The following SOX5 variants were observed in gnomAD, a reference collection of about 807,000 sequenced individuals.
SOX5 encodes the protein SRY-box transcription factor 5, also known as transcription factor SOX-5.
Under a neutral mutation model 92.0 loss-of-function variants are expected in SOX5, and 9 were observed. That is an observed-to-expected ratio of 0.10 (90% CI 0.06 to 0.17). The LOEUF (loss-of-function observed/expected upper bound fraction) is 0.17. Ranked by LOEUF, SOX5 falls within the 10% of genes least tolerant of loss-of-function variation. The pLI, the probability that SOX5 is intolerant of heterozygous loss-of-function variation, is 1.00. For missense variants in SOX5, 642 were observed against 944.5 expected (o/e 0.68, Z 4.20); for synonymous variants, 344 against 336.3 (o/e 1.02, Z -0.25).
intron 3 of SOX5, among the ~76,000 whole-genome samples, chr12:23,770,316 C>T (rs1030744940): frequency 6.6e-6 from 1 of 151,684 alleles, no homozygotes; most frequent in Non-Finnish European, 1.5e-5. Flanking sequence ...GACTACTACT[C>T]AATTAACAAA....
intron 3 of SOX5, among the ~76,000 whole-genome samples, chr12:23,804,943 AT>A (rs2095739337): frequency 2.6e-5 from 1 of 39,076 alleles, no homozygotes. Context: ...ATATATATAT[AT>A]ATATATATAT....
intron 1 of SOX5, among the ~76,000 whole-genome samples, chr12:24,507,249 A>T (rs1006910552): frequency 6.6e-6 from 1 of 152,086 alleles, no homozygotes; most frequent in African/African-American, 2.4e-5. Context: ...TCACCACTTG[A>T]ACCCACTGAT....
At chr12:24,111,026 T>C (rs1743709740) in intron 4 of SOX5, among the ~76,000 whole-genome samples, 1 of 151,274 alleles carries the variant, frequency 6.6e-6, no homozygotes, top group African/African-American at 2.4e-5. Context: ...GGGTCCAACA[T>C]GTCTTTACTG....
At chr12:24,406,692 T>G (rs1183094416) in intron 1 of SOX5, among the ~76,000 whole-genome samples, 3 of 152,228 alleles carry the variant, frequency 2.0e-5, no homozygotes, top group African/African-American at 7.2e-5. Flanking sequence ...CATTTCTGAA[T>G]GTAGATTATT....
intron 9 of SOX5, chr12:23,582,176 T>C (rs776466538): frequency 1.3e-5 from 13 of 985,214 alleles, no homozygotes; most frequent in Non-Finnish European, 1.4e-5. Context: ...CTAGCTTGTG[T>C]GCAGCACTCA....
chr12:24,326,980 C>T (rs956827286), intron 2 of SOX5, among the ~76,000 whole-genome samples: 5 of 152,070 alleles, frequency 3.3e-5, no homozygotes, highest in South Asian at 2.1e-4. Flanking sequence ...TTTGCTACTA[C>T]CTAGCATTTG....
chr12:24,342,018 T>A (rs544859814), intron 2 of SOX5, among the ~76,000 whole-genome samples: 5 of 152,348 alleles, frequency 3.3e-5, no homozygotes, highest in Admixed American at 3.3e-4. Context: ...TGTGCTTTCC[T>A]GATTGACCCT....
At chr12:24,494,121 T>C (rs1947370523) in intron 1 of SOX5, among the ~76,000 whole-genome samples, 1 of 152,172 alleles carries the variant, frequency 6.6e-6, no homozygotes, top group Admixed American at 6.5e-5. Context: ...GGATAGAAAA[T>C]GTCTGGGTAA....
chr12:24,258,385 TAAAG>T (rs1448841210), intron 3 of SOX5, among the ~76,000 whole-genome samples: 3 of 152,222 alleles, frequency 2.0e-5, no homozygotes, highest in African/African-American at 7.2e-5. Context: ...ACATCATGCA[TAAAG>T]AAAGCACTTG....
intron 4 of SOX5, among the ~76,000 whole-genome samples, chr12:24,177,746 C>T (rs1445151338): frequency 7.8e-6 from 1 of 127,868 alleles, no homozygotes; most frequent in Non-Finnish European, 1.7e-5. Flanking sequence ...ATTAATAACA[C>T]TCACAGGGTC....
At chr12:23,939,698 C>T (rs573899234) in intron 1 of SOX5, among the ~76,000 whole-genome samples, 35 of 150,658 alleles carry the variant, frequency 2.3e-4, no homozygotes, top group Non-Finnish European at 3.7e-4. Context: ...AAACAGCATG[C>T]GACCTGCCAA....
At chr12:23,640,103 G>A (rs2079844113) in intron 8 of SOX5, among the ~76,000 whole-genome samples, 1 of 152,180 alleles carries the variant, frequency 6.6e-6, no homozygotes, top group Non-Finnish European at 1.5e-5. Context: ...ACTAAGGAAT[G>A]TTTTGTGGGA....
At chr12:23,577,822 A>C (rs1441846676) in intron 9 of SOX5, among the ~76,000 whole-genome samples, 1 of 151,990 alleles carries the variant, frequency 6.6e-6, no homozygotes, top group Non-Finnish European at 1.5e-5. Context: ...TTAGCATTTT[A>C]AAAACTATAG....
At chr12:24,134,804 C>T (rs571121794) in intron 4 of SOX5, among the ~76,000 whole-genome samples, 1 of 152,276 alleles carries the variant, frequency 6.6e-6, no homozygotes, top group East Asian at 1.9e-4. Context: ...TTGAGATTCA[C>T]TTTTAAACAC....
chr12:23,838,032 TA>T (rs1438864007), intron 3 of SOX5, among the ~76,000 whole-genome samples: 1 of 120,480 alleles, frequency 8.3e-6, no homozygotes, highest in East Asian at 2.2e-4. Flanking sequence ...TATACATTTA[TA>T]TATTTTTATA....
At chr12:23,736,893 A>G (rs999682894) in intron 5 of SOX5, among the ~76,000 whole-genome samples, 6 of 151,852 alleles carry the variant, frequency 4.0e-5, no homozygotes, top group Non-Finnish European at 7.4e-5. Flanking sequence ...CGGTTTCACC[A>G]TGTTGGCTAG....
intron 1 of SOX5, among the ~76,000 whole-genome samples, chr12:23,910,922 T>C (rs2097345078): frequency 6.6e-6 from 1 of 152,136 alleles, no homozygotes; most frequent in South Asian, 2.1e-4. Flanking sequence ...CTTCACAACA[T>C]TCGCAGCTGG....
At chr12:23,802,227 C>A (rs951223932) in intron 3 of SOX5, among the ~76,000 whole-genome samples, 6 of 152,052 alleles carry the variant, frequency 3.9e-5, no homozygotes, top group Admixed American at 3.3e-4. Context: ...GCACCCACCA[C>A]CATGTCCAGC....
intron 4 of SOX5, among the ~76,000 whole-genome samples, chr12:24,111,216 C>T (rs1395968125): frequency 6.6e-6 from 1 of 152,132 alleles, no homozygotes; most frequent in East Asian, 1.9e-4. Flanking sequence ...AACCACATTT[C>T]TAAACTTGAA....
Sources: gnomAD v4.1 joint callset for allele counts (sites outside exome capture counted in the v4.1 genomes callset) on GRCh38, gnomAD v4.1.1 for gene constraint, MANE v1.5 for transcripts, NCBI Gene and HGNC (gene_info 2026-07-23, HGNC 2026-07-21) for gene names.